ANO1: variants seen among roughly 807,000 people sequenced by gnomAD.
The protein encoded by ANO1 is anoctamin 1.
A neutral mutation model predicts 124.0 loss-of-function variants in ANO1; 59 were observed. That is an observed-to-expected ratio of 0.48 (90% CI 0.39 to 0.59). The LOEUF (loss-of-function observed/expected upper bound fraction) is 0.59. Among genes scored for constraint, ANO1 ranks in the 20% least tolerant of loss-of-function variants. The pLI is 0.00. For synonymous variants in ANO1, 529 were observed against 532.0 expected, an observed-to-expected ratio of 0.99 and a Z score of 0.08; for missense variants, 1,059 against 1,328.0, an observed-to-expected ratio of 0.80 and a Z score of 3.15.
rs114822590 is a variant in ANO1 at position 70,124,210 on chromosome 11, G to A, written c.898-140G>A. On this transcript the variant is annotated intron_variant, in intron 8 of 25. Coordinates refer to ENST00000355303, the MANE Select transcript of ANO1 (RefSeq NM_018043.7). ...CTTCTTTCCCATCCCCACGTTCACA[G>A]CCCACACAGCCCACTCTCAAGAAGT... is the stretch of plus-strand genomic sequence containing the variant. 968 of 720,336 alleles carry A rather than the reference G, an allele frequency of 1.3e-3. 7 individuals are homozygous for A. The African/African-American group carries it at 0.014, about 11-fold the overall frequency. 44.6% of individuals were successfully genotyped at this position (720,336 alleles called of 1,614,324 possible).
chr11:70,089,083 G>T (rs1476348301), intron 2 of ANO1, among the ~76,000 whole-genome samples: 1 of 152,190 alleles, frequency 6.6e-6, no homozygotes, highest in Non-Finnish European at 1.5e-5. Context: ...TGTGCTCTCT[G>T]GCTGTCATCT....
chr11:70,033,194 C>A (rs1446875846), intron 1 of ANO1, among the ~76,000 whole-genome samples: 1 of 152,148 alleles, frequency 6.6e-6, no homozygotes, highest in Non-Finnish European at 1.5e-5. Context: ...TCATCAGACC[C>A]TGCCAAGGGA....
chr11:70,089,937 C>T (rs944435030), intron 2 of ANO1, among the ~76,000 whole-genome samples: 15 of 152,310 alleles, frequency 9.8e-5, no homozygotes, highest in African/African-American at 2.4e-4. Context: ...GAGCTGAGGC[C>T]GAGAGAGCTG....
intron 1 of ANO1, among the ~76,000 whole-genome samples, chr11:70,050,412 T>C (rs1173219166): frequency 5.9e-5 from 9 of 152,174 alleles, no homozygotes; most frequent in Non-Finnish European, 1.2e-4. Context: ...TTGCTCCTGC[T>C]GCTTCTCACC....
At chr11:70,033,536 A>C (rs1416977509) in intron 1 of ANO1, among the ~76,000 whole-genome samples, 1 of 152,058 alleles carries the variant, frequency 6.6e-6, no homozygotes, top group East Asian at 1.9e-4. Context: ...TGAGGCGTCT[A>C]TGAGGACAGA....
At position 70,182,788 on chromosome 11, in the gene ANO1, C is replaced by T. The variant is rs775134482; in HGVS notation, c.2588+102C>T. 19 of 1,055,934 alleles carry T rather than the reference C, an allele frequency of 1.8e-5. No homozygotes were observed. In the East Asian group the frequency reaches 1.9e-4, roughly 10 times the overall value. 65.4% of individuals were successfully genotyped at this position (1,055,934 alleles called of 1,614,324 possible). ...AAATCAGGAGCAAGTCATGAAACAA[C>T]GCAAACTTGCTTAAAAAGAAGAAGA... On this transcript the variant is annotated intron_variant, in intron 24 of 25. Coordinates refer to ENST00000355303, the MANE Select transcript of ANO1 (RefSeq NM_018043.7).
At chr11:69,978,383 C>T in the ANO1 span, among the ~76,000 whole-genome samples, 1 of 152,146 alleles carries the variant, frequency 6.6e-6, no homozygotes, top group Non-Finnish European at 1.5e-5. Context: ...AGGCCTCACT[C>T]CCGGTAGTGC....
chr11:70,031,908 C>T (rs11237297), intron 1 of ANO1, among the ~76,000 whole-genome samples: 8 of 152,188 alleles, frequency 5.3e-5, no homozygotes, highest in East Asian at 1.9e-4. Context: ...ACTCCCGGGG[C>T]CCAGGGAATC....
chr11:70,025,907 G>A (rs1327705809), intron 1 of ANO1, among the ~76,000 whole-genome samples: 1 of 149,272 alleles, frequency 6.7e-6, no homozygotes, highest in Non-Finnish European at 1.5e-5. Context: ...TGATGATGAT[G>A]GTGGTGGTGG....
chr11:70,101,684 T>G (rs2135344945), intron 2 of ANO1, among the ~76,000 whole-genome samples: 1 of 147,824 alleles, frequency 6.8e-6, no homozygotes, highest in Admixed American at 6.7e-5. Flanking sequence ...TGTCAGACAC[T>G]CAAGGGGTCC....
At chr11:70,039,560 C>T (rs567304911) in intron 1 of ANO1, among the ~76,000 whole-genome samples, 11 of 151,230 alleles carry the variant, frequency 7.3e-5, no homozygotes, top group African/African-American at 2.4e-4. Flanking sequence ...CTAGTCCCAC[C>T]TCCCCTTCCG....
At chr11:70,024,633 G>C (rs1856860498) in intron 1 of ANO1, among the ~76,000 whole-genome samples, 1 of 152,184 alleles carries the variant, frequency 6.6e-6, no homozygotes, top group South Asian at 2.1e-4. Context: ...CCAGTTCACA[G>C]ATGGGGAAAC....
At chr11:69,982,945 A>C (rs1289179909), upstream of ANO1, among the ~76,000 whole-genome samples, 7 of 152,180 alleles carry the variant, frequency 4.6e-5, no homozygotes, top group Non-Finnish European at 7.4e-5. Context: ...CAGTGGGGGC[A>C]GGGTGTACGT....
chr11:70,088,048 C>G lies in ANO1; in HGVS notation c.405C>G (p.Leu135=), dbSNP rs753396669. ...RFRREEYEGN[L]LEAGLELERD... ...GCAGGGAGGAGTACGAGGGCAACCTCCTGGAGGCGGGCCTGGAGCTGGAGC... is the reference window on the plus strand; with the variant it reads ...GCAGGGAGGAGTACGAGGGCAACCTGCTGGAGGCGGGCCTGGAGCTGGAGC... The change falls in exon 2 of 26, where the codon CTC becomes CTG. Residue 135 remains leucine, a synonymous_variant. Coordinates refer to ENST00000355303, the MANE Select transcript of ANO1 (RefSeq NM_018043.7). 28 of 1,441,254 alleles carry G rather than the reference C, an allele frequency of 1.9e-5. No homozygotes were observed. Among genetic ancestry groups the G allele is most frequent in the Admixed American group, 5.5e-5 (2 of 36,638 alleles). 89.3% of individuals were successfully genotyped at this position (1,441,254 alleles called of 1,614,324 possible).
At chr11:70,030,548 G>T (rs782433577) in intron 1 of ANO1, among the ~76,000 whole-genome samples, 17 of 152,170 alleles carry the variant, frequency 1.1e-4, no homozygotes, top group Non-Finnish European at 1.9e-4. Context: ...CGTCCCTGCC[G>T]CTTCCAGATT....
intron 11 of ANO1, among the ~76,000 whole-genome samples, chr11:70,141,222 T>C (rs2047142957): frequency 6.6e-6 from 1 of 152,176 alleles, no homozygotes; most frequent in Non-Finnish European, 1.5e-5. Flanking sequence ...CCGTCCCCCA[T>C]GGGCTGTGGC....
the ANO1 span, among the ~76,000 whole-genome samples, chr11:69,979,986 C>T: frequency 6.6e-6 from 1 of 152,188 alleles, no homozygotes; most frequent in African/African-American, 2.4e-5. Flanking sequence ...AACATTAGCT[C>T]ATTTTTATGG....
At chr11:70,107,492 G>GGGGGGGGGGGGT (rs2045598100) in intron 5 of ANO1, among the ~76,000 whole-genome samples, 1 of 119,298 alleles carries the variant, frequency 8.4e-6, no homozygotes, top group African/African-American at 2.9e-5. Context: ...AGTGGAGGCG[G>GGGGGGGGGGGGT]CGGGGCGGGG....
At chr11:70,133,658 G>A (rs1338453670) in intron 11 of ANO1, among the ~76,000 whole-genome samples, 1 of 152,212 alleles carries the variant, frequency 6.6e-6, no homozygotes, top group African/African-American at 2.4e-5. Context: ...GGCTGCATTC[G>A]GGGCTGGTGT....
Sources: allele counts gnomAD v4.1 joint callset (sites outside exome capture counted in the v4.1 genomes callset), GRCh38; gene constraint gnomAD v4.1.1; transcripts MANE v1.5; gene names NCBI Gene and HGNC (gene_info 2026-07-23, HGNC 2026-07-21).